The following LIG4 variants were observed in gnomAD, a reference collection of about 807,000 sequenced individuals.
LIG4 encodes the protein DNA joinase.
Under a neutral mutation model 19.0 loss-of-function variants are expected in LIG4, and 13 were observed. That is an observed-to-expected ratio of 0.68 (90% CI 0.44 to 1.09). The LOEUF is 1.09. LIG4 is among the 50% of genes least tolerant of loss of function. The probability of loss-of-function intolerance (pLI) is 0.00; values close to 1 mark genes in which losing one functional copy is unlikely to be tolerated. For missense variants in LIG4, 1,026 were observed against 1,089.7 expected, an observed-to-expected ratio of 0.94 and a Z score of 0.82; for synonymous variants, 361 against 358.2, an observed-to-expected ratio of 1.01 and a Z score of -0.09.
upstream of LIG4, among the ~76,000 whole-genome samples, chr13:108,215,889 C>A (rs1324924040): frequency 6.6e-6 from 1 of 152,134 alleles, no homozygotes; most frequent in African/African-American, 2.4e-5. Context: ...GTTGTGAAAA[C>A]TCCCAAGAGA....
chr13:108,208,819 G>T lies in LIG4; in HGVS notation c.2450C>A (p.Thr817Asn). The T allele has an allele frequency of 6.2e-7, 1 of 1,614,102 alleles. No homozygotes were observed. The highest frequency in any genetic ancestry group is 1.6e-4 in the Middle Eastern group (1 of 6,062). Reference sequence around the variant, plus strand: ...AACAGCATACGAGTCCAAATAAACGGTGTGGCGTCGAAACATACTGAGAGG... The same window carrying T: ...AACAGCATACGAGTCCAAATAAACGTTGTGGCGTCGAAACATACTGAGAGG... ...CSPLSMFRRH[T>N]VYLDSYAVIN... The change falls in exon 3 of 3, where the codon ACC (threonine) becomes AAC (asparagine). Residue 817 changes from threonine to asparagine, a missense_variant. Thr to Asn is a moderately conservative substitution (Grantham distance 65, BLOSUM62 0). Around this residue, in one of 3 missense-constraint regions of LIG4, gnomAD observed 521 missense variants for 515.5 expected, o/e 1.01. Coordinates refer to ENST00000442234, the MANE Select transcript of LIG4 (RefSeq NM_206937.2).
rs1878517591 is a variant in LIG4, at chr13:108,210,418, T to C, written c.851A>G (p.Asp284Gly). 1.2e-6 allele frequency: 2 copies of C among 1,613,510 alleles called. No homozygotes were observed. The highest frequency in any genetic ancestry group is 8.5e-7 in the Non-Finnish European group (1 of 1,179,916). Residue 284 changes from aspartate to glycine, a missense_variant, in exon 3 of 3, where the codon GAT becomes GGT. This residue lies in a region of LIG4 where 493 missense variants were observed against 544.5 expected (regional missense o/e 0.91). Transcript: ENST00000442234. ...LDGERMQMHK[D>G]GDVYKYFSRN... The stretch of plus-strand genomic sequence containing the variant: ...AGAGAAGTATTTATATACATCTCCA[T>C]CTTTGTGCATTTGCATACGTTCACC...
At chr13:108,212,427 C>A (rs555038830) in intron 2 of LIG4, among the ~76,000 whole-genome samples, 33 of 150,774 alleles carry the variant, frequency 2.2e-4, no homozygotes, top group African/African-American at 8.0e-4. Context: ...CATACAAGTT[C>A]TACTGGAAGA....
At position 108,209,969 on chromosome 13, in the gene LIG4, G is replaced by A; in HGVS notation, c.1300C>T (p.Pro434Ser). Reference protein sequence around the residue: ...KREEGIMVKQPLSIYKPDKRG... With the variant: ...KREEGIMVKQSLSIYKPDKRG... Reference sequence around the variant, plus strand: ...TTGTCTGGCTTGTAGATGGATAGAGGTTGTTTTACCATAATTCCCTCTTCT... The same window carrying A: ...TTGTCTGGCTTGTAGATGGATAGAGATTGTTTTACCATAATTCCCTCTTCT... The change falls in exon 3 of 3, where the codon CCT becomes TCT. Residue 434 changes from proline to serine, a missense_variant. Coordinates refer to ENST00000442234, the MANE Select transcript of LIG4 (RefSeq NM_206937.2). 6.2e-7 allele frequency: 1 copy of A among 1,613,268 alleles called. No individual in the cohort carries two copies. Among genetic ancestry groups the A allele is most frequent in the Non-Finnish European group, 8.5e-7 (1 of 1,179,930 alleles).
In LIG4 at chr13:108,209,758, G is replaced by GA; in HGVS notation, c.1510dup (p.Ser504PhefsTer14). 1.9e-6 allele frequency: 3 copies of GA among 1,614,098 alleles called. No individual in the cohort carries two copies. The highest frequency in any genetic ancestry group is 2.5e-6 in the Non-Finnish European group (3 of 1,180,018). On this transcript the variant is annotated frameshift_variant, in exon 3 of 3. Transcript: ENST00000442234. LOFTEE classifies it low-confidence loss of function (END_TRUNC). ...CATGGTGCAGCCAGACCCAACACGA[G>GA]AGAGAGTATGAAACACAGATGGCTT...
chr13:108,209,347 A>G lies in LIG4; in HGVS notation c.1922T>C (p.Ile641Thr), dbSNP rs1165437263. 25 of 1,613,998 alleles carry G rather than the reference A, an allele frequency of 1.5e-5. No homozygotes were observed. Among genetic ancestry groups the G allele is most frequent in the Non-Finnish European group, 1.9e-5 (22 of 1,180,000 alleles). ...APKMKKVIGI[I>T]EHLKAPNLTN... ...AAGGTTAGGTGCTTTTAAGTGCTCA[A>G]TAATTCCAATAACTTTCTTCATCTT... The change falls in exon 3 of 3, where the codon ATT (isoleucine) becomes ACT (threonine). Residue 641 changes from isoleucine to threonine, a missense_variant. By Grantham distance (89) the Ile-to-Thr change is moderately conservative. Transcript: ENST00000442234.
At chr13:108,217,127 C>G (rs139606032), upstream of LIG4, among the ~76,000 whole-genome samples, 11 of 152,294 alleles carry the variant, frequency 7.2e-5, no homozygotes, top group Non-Finnish European at 5.9e-5. Flanking sequence ...GCCTGTAATC[C>G]CAGCACTTTA....
Position 108,209,504 on chromosome 13 carries a change from CCTT to C in LIG4, c.1762_1764del (p.Lys588del). On this transcript the variant is annotated inframe_deletion, in exon 3 of 3. Transcript: ENST00000442234. ...TCCAGGGTCATGCACTCATGCCACT[CCTT>C]GTCATCTCTTATCTTTTCAATTCGT... is the stretch of plus-strand genomic sequence containing the variant. 2 of 1,614,136 alleles carry C rather than the reference CCTT, an allele frequency of 1.2e-6. No homozygotes were observed. Among genetic ancestry groups the C allele is most frequent in the Non-Finnish European group, 1.7e-6 (2 of 1,180,022 alleles).
Position 108,210,173 on chromosome 13 carries a change from C to T in LIG4, c.1096G>A (p.Val366Ile). ...TTATTAACCATCAATACATCAAAAA[C>T]ACAATAACAAGTTTGCAGATCAGAA... Reference protein sequence around the residue: ...EDSDLQTCYCVFDVLMVNNKK... With the variant: ...EDSDLQTCYCIFDVLMVNNKK... The change falls in exon 3 of 3, where the codon GTT becomes ATT. Residue 366 changes from valine to isoleucine, a missense_variant. Coordinates refer to ENST00000442234, the MANE Select transcript of LIG4 (RefSeq NM_206937.2). The T allele has an allele frequency of 3.1e-6, 5 of 1,613,792 alleles. No individual in the cohort carries two copies. The highest frequency in any genetic ancestry group is 4.2e-6 in the Non-Finnish European group (5 of 1,179,942).
At chr13:108,211,783 C>T (rs1253718283) in intron 2 of LIG4, among the ~76,000 whole-genome samples, 1 of 152,150 alleles carries the variant, frequency 6.6e-6, no homozygotes, top group East Asian at 1.9e-4. Context: ...TAACAAATCA[C>T]TCATTTGCTG....
Position 108,209,724 on chromosome 13 carries a change from C to G in LIG4, c.1545G>C (p.Leu515=). Residue 515 remains leucine (L), a synonymous_variant, in exon 3 of 3, where the codon CTG becomes CTC. Transcript: ENST00000442234. ...TGGCCAATTTCAAACCCAGATCATA[C>G]AGTTCTTTCATGGTGCAGCCAGACC... ...RVGSGCTMKE[L]YDLGLKLAKY... 6.2e-7 allele frequency: 1 copy of G among 1,614,070 alleles called. No homozygotes were observed. Among genetic ancestry groups the G allele is most frequent in the Non-Finnish European group, 8.5e-7 (1 of 1,180,008 alleles).
In LIG4 at chr13:108,215,273, A is replaced by AC. The variant is rs1311939515; in HGVS notation, c.-102+210dup. 3.5e-4 allele frequency among the ~76,000 whole-genome samples: 17 copies of AC among 47,976 alleles called. 1 individual carries two copies. The highest frequency in any genetic ancestry group is 1.6e-3 in the African/African-American group (17 of 10,956). 31.5% of individuals were successfully genotyped at this position (47,976 alleles called of 152,430 possible). On this transcript the variant is annotated intron_variant, in intron 1 of 2. Transcript: ENST00000442234. ...CCACAGACCCCCAACGTGACGCCCT[A>AC]CAGACCCCAACCTGACGTCCCACAG...
chr13:108,210,752 G>T lies in LIG4; in HGVS notation c.517C>A (p.Gln173Lys), dbSNP rs868602172. ...RKDLIKKSLL[Q>K]LITQSSALEQ... ...AGTGCTGAACTCTGAGTTATAAGTT[G>T]AAGAAGGCTCTTTTTTATTAGGTCT... Residue 173 changes from glutamine (Q) to lysine (K), a missense_variant, in exon 3 of 3, where the codon CAA (glutamine) becomes AAA (lysine). Gln to Lys is a moderately conservative substitution (Grantham distance 53). Transcript: ENST00000442234. 2 of 1,614,056 alleles carry T rather than the reference G, an allele frequency of 1.2e-6. No individual in the cohort carries two copies.
chr13:108,215,250 A>C (rs1204556187), intron 1 of LIG4, among the ~76,000 whole-genome samples: 1 of 13,630 alleles, frequency 7.3e-5, no homozygotes, highest in Admixed American at 1.1e-3. Context: ...CTGACGCCCC[A>C]CAGACCCCCA....
Position 108,209,567 on chromosome 13 carries a change from C to T in LIG4, c.1702G>A (p.Asp568Asn). The change falls in exon 3 of 3, where the codon GAT (aspartate) becomes AAT (asparagine). Residue 568 changes from aspartate to asparagine, a missense_variant. Physicochemically the swap from Asp to Asn is conservative, Grantham distance 23. This residue lies in a region of LIG4 where 521 missense variants were observed against 515.5 expected (regional missense o/e 1.01). Coordinates refer to ENST00000442234, the MANE Select transcript of LIG4 (RefSeq NM_206937.2). ...AAGGTGCAGCCAGTTTTATACATATCACTGGGTACGATCTCTGCTGCTTTA... is the reference window on the plus strand; with the variant it reads ...AAGGTGCAGCCAGTTTTATACATATTACTGGGTACGATCTCTGCTGCTTTA... ...QIKAAEIVPSDMYKTGCTLRF... is the reference protein window; with the variant it reads ...QIKAAEIVPSNMYKTGCTLRF... 2.5e-6 allele frequency: 4 copies of T among 1,614,112 alleles called. No individual in the cohort carries two copies. Among genetic ancestry groups the T allele is most frequent in the Non-Finnish European group, 3.4e-6 (4 of 1,180,022 alleles).
chr13:108,215,950 T>A (rs1045845835), upstream of LIG4, among the ~76,000 whole-genome samples: 2 of 152,196 alleles, frequency 1.3e-5, no homozygotes, highest in African/African-American at 2.4e-5. Flanking sequence ...TTTAAACTTT[T>A]AAAAAATAGG....
rs199934893 is a variant in LIG4, at chr13:108,209,932, C to G, written c.1337G>C (p.Gly446Ala). Residue 446 changes from glycine (G) to alanine (A), a missense_variant, in exon 3 of 3, where the codon GGG becomes GCG. Around this residue, in one of 3 missense-constraint regions of LIG4, gnomAD observed 493 missense variants for 544.5 expected, o/e 0.91. Coordinates refer to ENST00000442234, the MANE Select transcript of LIG4 (RefSeq NM_206937.2). ...SIYKPDKRGE[G>A]WLKIKPEYVS... ...ATACTCTGGTTTAATTTTTAACCAC[C>G]CTTCACCTCTTTTGTCTGGCTTGTA... 20 of 1,613,986 alleles carry G rather than the reference C, an allele frequency of 1.2e-5. No homozygotes were observed. The highest frequency in any genetic ancestry group is 1.7e-5 in the Non-Finnish European group (20 of 1,179,998).
At chr13:108,211,356 T>C (rs1315381350) in intron 2 of LIG4, 60 bp from the exon 3 acceptor site, 2 of 952,424 alleles carry the variant, frequency 2.1e-6, no homozygotes, top group Non-Finnish European at 3.3e-6. Flanking sequence ...AAATATTTAA[T>C]GTAAAGATCT....
intron 2 of LIG4, among the ~76,000 whole-genome samples, chr13:108,212,257 T>C (rs1878746748): frequency 6.6e-6 from 1 of 150,696 alleles, no homozygotes; most frequent in African/African-American, 2.4e-5. Flanking sequence ...AAATGCCAAG[T>C]GCTTTAACAA....
Sources: allele counts gnomAD v4.1 joint callset (sites outside exome capture counted in the v4.1 genomes callset), GRCh38; gene constraint gnomAD v4.1.1; regional missense constraint gnomAD v4.1.1; transcripts MANE v1.5; gene names NCBI Gene and HGNC (gene_info 2026-07-23, HGNC 2026-07-21).